The following ERBB4 variants were observed in gnomAD, a reference collection of about 807,000 sequenced individuals.
ERBB4 encodes the protein receptor tyrosine-protein kinase erbB-4.
A neutral mutation model predicts 158.0 loss-of-function variants in ERBB4; 42 were observed. The observed-to-expected ratio is 0.27, with a 90% CI of 0.21 to 0.34. ERBB4 has a LOEUF of 0.34. Ranked by LOEUF, ERBB4 falls within the 10% of genes least tolerant of loss-of-function variation. The probability of loss-of-function intolerance (pLI) is 1.00; values close to 1 mark genes in which losing one functional copy is unlikely to be tolerated. For synonymous variants in ERBB4, 583 were observed against 558.7 expected (o/e 1.04, Z -0.61); for missense variants, 1,333 against 1,624.1 (o/e 0.82, Z 3.08).
At chr2:211,864,712 T>C (rs2078159177) in intron 3 of ERBB4, among the ~76,000 whole-genome samples, 1 of 152,166 alleles carries the variant, frequency 6.6e-6, no homozygotes, top group Non-Finnish European at 1.5e-5. Context: ...ACGCTTGTAA[T>C]ACCAGCACTT....
intron 16 of ERBB4, among the ~76,000 whole-genome samples, chr2:211,654,045 G>A (rs539794740): frequency 6.6e-6 from 1 of 152,252 alleles, no homozygotes; most frequent in Non-Finnish European, 1.5e-5. Flanking sequence ...ATTGACAGAT[G>A]CTTTGAAAAA....
chr2:211,454,972 C>T (rs547913822), intron 20 of ERBB4, among the ~76,000 whole-genome samples: 1 of 152,196 alleles, frequency 6.6e-6, no homozygotes, highest in African/African-American at 2.4e-5. Flanking sequence ...AATCATTTTC[C>T]AAATGAAACC....
intron 1 of ERBB4, among the ~76,000 whole-genome samples, chr2:212,344,420 A>C (rs997119155): frequency 2.6e-5 from 4 of 152,120 alleles, no homozygotes; most frequent in African/African-American, 4.8e-5. Context: ...TGAGAACCAC[A>C]GGATAAAAGA....
At chr2:212,114,778 T>C (rs1306661485) in intron 2 of ERBB4, among the ~76,000 whole-genome samples, 3 of 152,168 alleles carry the variant, frequency 2.0e-5, no homozygotes, top group African/African-American at 7.2e-5. Context: ...CTTGCAATTT[T>C]ACCTCTCTGA....
rs1265968084 is a variant in ERBB4, at chr2:211,422,229, A to C, written c.2867-125T>G. The C allele has an allele frequency of 1.2e-5, 8 of 683,794 alleles. No individual in the cohort carries two copies. In the East Asian group the frequency reaches 1.7e-4, roughly 15 times the overall value. The allele number at this position is 683,794 out of a possible 1,614,324, so 42.4% of individuals were successfully genotyped here. ...TTTTAATCGTAATGATCTGAGAAAG[A>C]AAGCAAGCTAGTGAAAGAAACGACT... On this transcript the variant is annotated intron_variant, in intron 23 of 27. Coordinates refer to ENST00000342788, the MANE Select transcript of ERBB4 (RefSeq NM_005235.3).
chr2:212,198,404 CTATTA>C (rs372876921), intron 1 of ERBB4, among the ~76,000 whole-genome samples: 5 of 152,144 alleles, frequency 3.3e-5, no homozygotes, highest in African/African-American at 9.7e-5. Flanking sequence ...AACCACTATT[CTATTA>C]TGTCTTTATG....
intron 20 of ERBB4, among the ~76,000 whole-genome samples, chr2:211,431,302 T>A: frequency 6.6e-6 from 1 of 152,152 alleles, no homozygotes; most frequent in East Asian, 1.9e-4. Flanking sequence ...CTCCCTAAAG[T>A]CCTATGAGAT....
intron 2 of ERBB4, among the ~76,000 whole-genome samples, chr2:212,078,641 T>C (rs1295178754): frequency 6.6e-6 from 1 of 151,926 alleles, no homozygotes; most frequent in Admixed American, 6.6e-5. Flanking sequence ...GGGCTCATTG[T>C]ACATATTTCA....
chr2:212,378,627 G>T (rs998771968), intron 1 of ERBB4, among the ~76,000 whole-genome samples: 1 of 151,536 alleles, frequency 6.6e-6, no homozygotes, highest in Middle Eastern at 3.4e-3. Flanking sequence ...AAATTCACTC[G>T]CAACTAAATA....
chr2:211,851,885 T>C (rs1338988607), intron 3 of ERBB4, among the ~76,000 whole-genome samples: 1 of 151,946 alleles, frequency 6.6e-6, no homozygotes, highest in Non-Finnish European at 1.5e-5. Flanking sequence ...TACATTTTAC[T>C]TTATTAAACA....
At chr2:211,773,813 G>T (rs1175532725) in intron 4 of ERBB4, among the ~76,000 whole-genome samples, 1 of 150,364 alleles carries the variant, frequency 6.7e-6, no homozygotes, top group African/African-American at 2.4e-5. Flanking sequence ...AAACAACCTG[G>T]ATTACTCCGG....
chr2:211,712,594 C>T lies in ERBB4; in HGVS notation c.998-418G>A, dbSNP rs1162363799. 5.3e-5 allele frequency among the ~76,000 whole-genome samples: 8 copies of T among 152,180 alleles called. No individual in the cohort carries two copies. The East Asian group carries it at 5.8e-4, about 11-fold the overall frequency. ...GCAAAATGATTTCATGGCCTACATA[C>T]TAATGGTCTACAACCTGCAATTTTA... is the stretch of plus-strand genomic sequence containing the variant. On this transcript the variant is annotated intron_variant, in intron 8 of 27. Coordinates refer to ENST00000342788, the MANE Select transcript of ERBB4 (RefSeq NM_005235.3).
chr2:211,424,121 T>C, intron 23 of ERBB4, 34 bp downstream of exon 23: 4 of 1,594,406 alleles, frequency 2.5e-6, no homozygotes, highest in Non-Finnish European at 3.4e-6. Flanking sequence ...TTACTAAGAA[T>C]GATGATGGTG....
chr2:211,455,385 G>A (rs147707112), intron 20 of ERBB4, among the ~76,000 whole-genome samples: 2,120 of 152,254 alleles, frequency 0.014, 65 homozygotes, highest in African/African-American at 0.048. Context: ...AGTTGCCAGG[G>A]ACAATGGGTT....
intron 1 of ERBB4, among the ~76,000 whole-genome samples, chr2:212,335,474 T>C (rs2088390275): frequency 6.6e-6 from 1 of 151,970 alleles, no homozygotes; most frequent in African/African-American, 2.4e-5. Flanking sequence ...ATTGCATCTA[T>C]GTCAAGTCAT....
intron 1 of ERBB4, among the ~76,000 whole-genome samples, chr2:212,161,592 T>C (rs1034561964): frequency 2.0e-5 from 3 of 151,892 alleles, no homozygotes; most frequent in Non-Finnish European, 4.4e-5. Context: ...AAATCTACAG[T>C]TCTTAAAGGA....
At chr2:211,838,274 C>T (rs2077386236) in intron 3 of ERBB4, among the ~76,000 whole-genome samples, 1 of 152,010 alleles carries the variant, frequency 6.6e-6, no homozygotes, top group South Asian at 2.1e-4. Flanking sequence ...GGTATTTGAT[C>T]CTATCTGAAA....
At chr2:211,919,071 C>A (rs2079787778) in intron 3 of ERBB4, among the ~76,000 whole-genome samples, 1 of 152,022 alleles carries the variant, frequency 6.6e-6, no homozygotes, top group Admixed American at 6.6e-5. Context: ...TCTTATTTCC[C>A]AGTTCCTTAC....
intron 2 of ERBB4, among the ~76,000 whole-genome samples, chr2:211,992,836 A>G (rs111914962): frequency 0.022 from 3,343 of 152,302 alleles, 56 homozygotes; most frequent in Middle Eastern, 0.048. Context: ...CCAAAGACAA[A>G]GTCTTATCTG....
Sources: gnomAD v4.1 joint callset for allele counts (sites outside exome capture counted in the v4.1 genomes callset) on GRCh38, gnomAD v4.1.1 for gene constraint, MANE v1.5 for transcripts, NCBI Gene and HGNC (gene_info 2026-07-23, HGNC 2026-07-21) for gene names.